ELOB: variants seen among roughly 807,000 people sequenced by gnomAD.
ELOB encodes elongin B.
In ELOB, 3 loss-of-function variants were observed where a neutral mutation model predicts 12.9. That is an observed-to-expected ratio of 0.23 (90% CI 0.11 to 0.60). ELOB has a LOEUF of 0.60. Ranked by LOEUF, ELOB falls within the 20% of genes least tolerant of loss-of-function variation. The probability of loss-of-function intolerance (pLI) is 0.89; values close to 1 mark genes in which losing one functional copy is unlikely to be tolerated. For synonymous variants in ELOB, 84 were observed against 67.4 expected, an observed-to-expected ratio of 1.25 and a Z score of -1.21; for missense variants, 126 against 159.2, an observed-to-expected ratio of 0.79 and a Z score of 1.12.
In ELOB at chr16:2,772,087, G is replaced by T; in HGVS notation, c.260C>A (p.Ala87Asp). Residue 87 changes from alanine (A) to aspartate (D), a missense_variant, in exon 4 of 4, where the codon GCC (alanine) becomes GAC (aspartate). Transcript: ENST00000409906. ...LAFRADDTFE[A>D]LCIEPFSSPP... ...GCTGGAAAACGGCTCGATGCACAGG[G>T]CCTCAAAGGTGTCATCTGTGGAGGA... The T allele has an allele frequency of 6.2e-7, 1 of 1,610,078 alleles. No individual in the cohort carries two copies. Among genetic ancestry groups the T allele is most frequent in the Non-Finnish European group, 8.5e-7 (1 of 1,177,786 alleles).
chr16:2,773,742 AAAAC>A (rs1370681954), intron 3 of ELOB, among the ~76,000 whole-genome samples: 2 of 152,214 alleles, frequency 1.3e-5, no homozygotes, highest in African/African-American at 4.8e-5. Flanking sequence ...TTGTGGGAGA[AAAAC>A]AAGTCACCTT....
At chr16:2,775,579 G>A (rs1311191524) in intron 2 of ELOB, 23 bp from the exon 3 acceptor site, 11 of 1,596,616 alleles carry the variant, frequency 6.9e-6, no homozygotes, top group South Asian at 2.2e-5. Flanking sequence ...GCAGGATCTT[G>A]GGAGAGGCCC....
intron 3 of ELOB, among the ~76,000 whole-genome samples, chr16:2,773,229 A>G (rs1157708761): frequency 2.0e-5 from 3 of 152,028 alleles, no homozygotes; most frequent in Non-Finnish European, 4.4e-5. Flanking sequence ...ATGCCTGATC[A>G]CAGTTGTGGC....
chr16:2,777,246 T>A lies in ELOB; in HGVS notation c.-7A>T. ...CCCCACGCCCGCTCACCATCGCGGC[T>A]GCTGCCTCTCCCCTCGACGCGCCGG... On this transcript the variant is annotated 5_prime_UTR_variant, in exon 1 of 4. Coordinates refer to ENST00000409906, the MANE Select transcript of ELOB (RefSeq NM_007108.4). The A allele has an allele frequency of 9.8e-7, 1 of 1,022,810 alleles. No individual in the cohort carries two copies. The allele number at this position is 1,022,810 out of a possible 1,614,324, so 63.4% of individuals were successfully genotyped here. A position where few individuals can be genotyped will look rare whatever the true frequency, so the allele number is the denominator to read the frequency against.
intron 3 of ELOB, 114 bp downstream of exon 3, chr16:2,775,337 G>A (rs1434466126): frequency 5.1e-6 from 3 of 592,316 alleles, no homozygotes; most frequent in Non-Finnish European, 5.5e-6. Flanking sequence ...CTTTAGGCAC[G>A]AGGAAGACAC....
chr16:2,777,208 C>T, intron 1 of ELOB, 29 bp downstream of exon 1: 1 of 998,648 alleles, frequency 1.0e-6, no homozygotes, highest in Non-Finnish European at 1.2e-6. Context: ...CCGGCCCGGC[C>T]CGGCCGCCCC....
intron 2 of ELOB, among the ~76,000 whole-genome samples, chr16:2,776,403 A>AG (rs1017171430): frequency 1.3e-5 from 2 of 152,182 alleles, no homozygotes; most frequent in African/African-American, 4.8e-5. Flanking sequence ...CTGACTCCCC[A>AG]ATGCAGACCC....
In ELOB at chr16:2,772,086, G is replaced by A; in HGVS notation, c.261C>T (p.Ala87=). The A allele has an allele frequency of 1.2e-6, 2 of 1,610,264 alleles. No homozygotes were observed. Among genetic ancestry groups the A allele is most frequent in the Non-Finnish European group, 8.5e-7 (1 of 1,177,896 alleles). ...GGCTGGAAAACGGCTCGATGCACAGGGCCTCAAAGGTGTCATCTGTGGAGG... is the reference window on the plus strand; with the variant it reads ...GGCTGGAAAACGGCTCGATGCACAGAGCCTCAAAGGTGTCATCTGTGGAGG... ...LAFRADDTFE[A]LCIEPFSSPP... Residue 87 remains alanine (A), a synonymous_variant, in exon 4 of 4, where the codon GCC becomes GCT. Transcript: ENST00000409906.
At position 2,771,627 on chromosome 16, in the gene ELOB, G is replaced by C. The variant is rs759967585; in HGVS notation, c.*363C>G. 4 of 1,613,760 alleles carry C rather than the reference G, an allele frequency of 2.5e-6. No homozygotes were observed. Among genetic ancestry groups the C allele is most frequent in the African/African-American group, 1.3e-5 (1 of 75,018 alleles). On this transcript the variant is annotated 3_prime_UTR_variant, in exon 4 of 4. Coordinates refer to ENST00000409906, the MANE Select transcript of ELOB (RefSeq NM_007108.4). ...AGGCTATGGGGGTGGGGGGCACTTA[G>C]AAGGAGAAAGGCCTAAAACTGGAAT...
In ELOB at chr16:2,772,210, C is replaced by T. The variant is rs548595706; in HGVS notation, c.245-108G>A. The T allele has an allele frequency of 1.0e-4, 134 of 1,306,510 alleles. 1 individual carries two copies. In the South Asian group the frequency reaches 1.5e-3, roughly 15 times the overall value. The allele number at this position is 1,306,510 out of a possible 1,614,324, so 80.9% of individuals were successfully genotyped here. A position where few individuals can be genotyped will look rare whatever the true frequency, so the allele number is the denominator to read the frequency against. ...GCAGCTTTGGGGATCTCCATGCGAA[C>T]GCCCCTCCACACGGCTGTAGTCTCC... On this transcript the variant is annotated intron_variant, in intron 3 of 3. Transcript: ENST00000409906.
At position 2,771,663 on chromosome 16, in the gene ELOB, T is replaced by C. The variant is rs1206697722; in HGVS notation, c.*327A>G. The stretch of plus-strand genomic sequence containing the variant: ...GCCTAAAACTGGAATCTCTTGTCCC[T>C]GAGGCTGGCTCTGGTCTTTGTGTCT... On this transcript the variant is annotated 3_prime_UTR_variant, in exon 4 of 4. Transcript: ENST00000409906. The C allele has an allele frequency of 1.2e-6, 2 of 1,609,230 alleles. No homozygotes were observed. Among genetic ancestry groups the C allele is most frequent in the Non-Finnish European group, 1.7e-6 (2 of 1,178,050 alleles).
chr16:2,777,251 C>T lies in ELOB; in HGVS notation c.-12G>A, dbSNP rs2068807747. 1 of 1,025,976 alleles carries T rather than the reference C, an allele frequency of 9.7e-7. No homozygotes were observed. The highest frequency in any genetic ancestry group is 9.8e-5 in the East Asian group (1 of 10,202). The allele number at this position is 1,025,976 out of a possible 1,614,324, so 63.6% of individuals were successfully genotyped here. A position where few individuals can be genotyped will look rare whatever the true frequency, so the allele number is the denominator to read the frequency against. On this transcript the variant is annotated 5_prime_UTR_variant, in exon 1 of 4. Coordinates refer to ENST00000409906, the MANE Select transcript of ELOB (RefSeq NM_007108.4). The stretch of plus-strand genomic sequence containing the variant: ...CGCCCGCTCACCATCGCGGCTGCTG[C>T]CTCTCCCCTCGACGCGCCGGCGCAG...
chr16:2,773,876 C>T (rs1407101755), intron 3 of ELOB, among the ~76,000 whole-genome samples: 1 of 152,194 alleles, frequency 6.6e-6, no homozygotes, highest in Non-Finnish European at 1.5e-5. Context: ...GGAACACAGC[C>T]CAGCTTCGGT....
chr16:2,771,673 T>C lies in ELOB; in HGVS notation c.*317A>G. ...GGAATCTCTTGTCCCTGAGGCTGGC[T>C]CTGGTCTTTGTGTCTCTCCCAGTCC... is the stretch of plus-strand genomic sequence containing the variant. On this transcript the variant is annotated 3_prime_UTR_variant, in exon 4 of 4. Transcript: ENST00000409906. 1 of 1,605,914 alleles carries C rather than the reference T, an allele frequency of 6.2e-7. No individual in the cohort carries two copies. Among genetic ancestry groups the C allele is most frequent in the Non-Finnish European group, 8.5e-7 (1 of 1,176,434 alleles).
In ELOB at chr16:2,771,460, TTCCC is replaced by T. The variant is rs764833034; in HGVS notation, c.*526_*529del. 2.8e-5 allele frequency: 46 copies of T among 1,614,088 alleles called. No individual in the cohort carries two copies. The African/African-American group carries it at 4.8e-4, about 17-fold the overall frequency. ...AAAGGTGTGTTAAGGGGGCAGCCACTTCCCTCCGTGATTACAGCCCCCAGCGTGG... is the reference window on the plus strand; with the variant it reads ...AAAGGTGTGTTAAGGGGGCAGCCACTTCCGTGATTACAGCCCCCAGCGTGG... On this transcript the variant is annotated 3_prime_UTR_variant, in exon 4 of 4. Transcript: ENST00000409906.
At chr16:2,774,823 G>A (rs1011075610) in intron 3 of ELOB, among the ~76,000 whole-genome samples, 3 of 152,116 alleles carry the variant, frequency 2.0e-5, no homozygotes, top group Admixed American at 6.6e-5. Flanking sequence ...CTTGGGCAGG[G>A]GTGGGGTATG....
intron 3 of ELOB, among the ~76,000 whole-genome samples, chr16:2,773,350 ATGTGCCCAC>A (rs2068780269): frequency 6.6e-6 from 1 of 152,128 alleles, no homozygotes. Flanking sequence ...ATCCAGCCCA[ATGTGCCCAC>A]TGTGCCGAGG....
chr16:2,771,681 T>G lies in ELOB; in HGVS notation c.*309A>C, dbSNP rs1366332277. 2 of 1,601,284 alleles carry G rather than the reference T, an allele frequency of 1.2e-6. No individual in the cohort carries two copies. Among genetic ancestry groups the G allele is most frequent in the African/African-American group, 1.3e-5 (1 of 74,688 alleles). ...TTGTCCCTGAGGCTGGCTCTGGTCT[T>G]TGTGTCTCTCCCAGTCCTTCCCTTT... is the stretch of plus-strand genomic sequence containing the variant. On this transcript the variant is annotated 3_prime_UTR_variant, in exon 4 of 4. Transcript: ENST00000409906.
In ELOB at chr16:2,771,534, C is replaced by CTGTCAAACCA; in HGVS notation, c.*446_*455dup. The CTGTCAAACCA allele has an allele frequency of 6.2e-7, 1 of 1,614,194 alleles. No homozygotes were observed. Among genetic ancestry groups the CTGTCAAACCA allele is most frequent in the Non-Finnish European group, 8.5e-7 (1 of 1,180,044 alleles). Reference sequence around the variant, plus strand: ...TCTTGGGGTTCCCTCGTTGAACATGCTGTCAAACCAGGACACTGGCTCCAG... The same window carrying CTGTCAAACCA: ...TCTTGGGGTTCCCTCGTTGAACATGCTGTCAAACCATGTCAAACCAGGACACTGGCTCCAG... On this transcript the variant is annotated 3_prime_UTR_variant, in exon 4 of 4. Transcript: ENST00000409906.
Sources: gnomAD v4.1 joint callset for allele counts (sites outside exome capture counted in the v4.1 genomes callset) on GRCh38, gnomAD v4.1.1 for gene constraint, MANE v1.5 for transcripts, NCBI Gene and HGNC (gene_info 2026-07-23, HGNC 2026-07-21) for gene names.